Variants in ADAMTS17 observed in about 807,000 individuals in gnomAD.
ADAMTS17 encodes ADAM metallopeptidase with thrombospondin type 1 motif 17, also known as A disintegrin and metalloproteinase with thrombospondin motifs 17.
Under a neutral mutation model 141.5 loss-of-function variants are expected in ADAMTS17, and 113 were observed. That is an observed-to-expected ratio of 0.80 (90% CI 0.69 to 0.93). The LOEUF (loss-of-function observed/expected upper bound fraction) is 0.93. Ranked by LOEUF, ADAMTS17 falls within the 40% of genes least tolerant of loss-of-function variation. ADAMTS17 has a pLI of 0.00. For missense variants in ADAMTS17, 1,659 were observed against 1,517.9 expected (o/e 1.09, Z -1.54); for synonymous variants, 768 against 630.6 (o/e 1.22, Z -3.27).
chr15:100,022,042 T>C (rs2061415614), intron 18 of ADAMTS17, among the ~76,000 whole-genome samples: 1 of 152,120 alleles, frequency 6.6e-6, no homozygotes, highest in African/African-American at 2.4e-5. Context: ...GTCAAGAGGC[T>C]CAGATCTAGT....
At position 100,076,046 on chromosome 15, in the gene ADAMTS17, T is replaced by A. The variant is rs922374471; in HGVS notation, c.2137+20310A>T. Among the ~76,000 whole-genome samples, 42 of 142,268 alleles carry A rather than the reference T, an allele frequency of 3.0e-4. 1 individual carries two copies. The highest frequency in any genetic ancestry group is 1.3e-3 in the African/African-American group (42 of 32,558). 93.3% of individuals were successfully genotyped at this position (142,268 alleles called of 152,430 possible). A position where few individuals can be genotyped will look rare whatever the true frequency, so the allele number is the denominator to read the frequency against. On this transcript the variant is annotated intron_variant, in intron 15 of 21. Transcript: ENST00000268070. ...TAGCTATGAATTCTTATTTTCTTTC[T>A]TTTTTTTTGTTTTCGAGATGGAGTT...
At chr15:100,340,962 CA>C in intron 2 of ADAMTS17, 76 bp downstream of exon 2, 1 of 1,495,642 alleles carries the variant, frequency 6.7e-7, no homozygotes, top group Non-Finnish European at 8.9e-7. Flanking sequence ...AGAGGCGCCC[CA>C]CCCCCACCCT....
At chr15:100,142,978 T>C (rs545537506) in intron 10 of ADAMTS17, among the ~76,000 whole-genome samples, 49 of 151,836 alleles carry the variant, frequency 3.2e-4, no homozygotes, top group Non-Finnish European at 1.3e-4. Flanking sequence ...ACAAGAAGAG[T>C]GTACATCCCT....
chr15:100,144,300 C>T (rs1048311450), intron 10 of ADAMTS17, among the ~76,000 whole-genome samples: 3 of 152,212 alleles, frequency 2.0e-5, no homozygotes, highest in Admixed American at 6.5e-5. Flanking sequence ...ACCTGTAGTC[C>T]CAGCACTTTG....
chr15:100,152,816 GTTTTCT>G, intron 9 of ADAMTS17, 54 bp from the exon 10 acceptor site: 1 of 1,566,268 alleles, frequency 6.4e-7, no homozygotes, highest in Non-Finnish European at 8.6e-7. Context: ...AGGTTTTTTT[GTTTTCT>G]TTTTCTTTTT....
At chr15:100,257,318 C>G (rs1371281401) in intron 6 of ADAMTS17, among the ~76,000 whole-genome samples, 1 of 152,242 alleles carries the variant, frequency 6.6e-6, no homozygotes, top group Non-Finnish European at 1.5e-5. Flanking sequence ...AGTTATTATA[C>G]AAGGCTTCCT....
intron 8 of ADAMTS17, among the ~76,000 whole-genome samples, chr15:100,181,656 C>T (rs552730471): frequency 1.3e-5 from 2 of 152,186 alleles, no homozygotes; most frequent in African/African-American, 2.4e-5. Context: ...CTGGCTGGTG[C>T]CCTATCTTCC....
At chr15:100,290,604 C>T (rs1345494388) in intron 3 of ADAMTS17, among the ~76,000 whole-genome samples, 1 of 151,942 alleles carries the variant, frequency 6.6e-6, no homozygotes, top group East Asian at 1.9e-4. Flanking sequence ...CCGGACTTTA[C>T]ATACTACAAG....
At chr15:100,340,199 G>C (rs74038414) in intron 2 of ADAMTS17, among the ~76,000 whole-genome samples, 5,337 of 152,292 alleles carry the variant, frequency 0.035, 337 homozygotes, top group African/African-American at 0.12. Flanking sequence ...CTGAGTGCTC[G>C]TCTGGGCGCC....
At chr15:100,171,505 C>A (rs1263531103) in intron 8 of ADAMTS17, among the ~76,000 whole-genome samples, 2 of 152,306 alleles carry the variant, frequency 1.3e-5, no homozygotes, top group Non-Finnish European at 2.9e-5. Context: ...CACGCTCCCA[C>A]AACATCCCTG....
chr15:100,001,143 G>C (rs1380883219), intron 18 of ADAMTS17, among the ~76,000 whole-genome samples: 2 of 152,072 alleles, frequency 1.3e-5, no homozygotes, highest in Admixed American at 6.6e-5. Context: ...TAGACTTCTG[G>C]GCCTTCAGAG....
At chr15:100,036,362 A>T (rs1189931226) in intron 18 of ADAMTS17, among the ~76,000 whole-genome samples, 1 of 152,224 alleles carries the variant, frequency 6.6e-6, no homozygotes, top group Non-Finnish European at 1.5e-5. Flanking sequence ...TGAGAGAAGC[A>T]GCCCAGCATG....
intron 18 of ADAMTS17, among the ~76,000 whole-genome samples, chr15:100,045,155 A>G (rs2031586849): frequency 6.7e-6 from 1 of 148,874 alleles, no homozygotes; most frequent in South Asian, 2.1e-4. Flanking sequence ...CCTCAAATTT[A>G]ATTTTAGTAA....
chr15:100,001,083 T>C (rs1387827952), intron 18 of ADAMTS17, among the ~76,000 whole-genome samples: 2 of 152,110 alleles, frequency 1.3e-5, no homozygotes, highest in African/African-American at 4.8e-5. Flanking sequence ...GATGGAGATA[T>C]GGAAAATATT....
chr15:99,976,152 T>C lies in ADAMTS17; in HGVS notation c.3020A>G (p.His1007Arg). 1 of 1,550,764 alleles carries C rather than the reference T, an allele frequency of 6.4e-7. No individual in the cohort carries two copies. Among genetic ancestry groups the C allele is most frequent in the Non-Finnish European group, 8.7e-7 (1 of 1,146,974 alleles). Residue 1007 changes from histidine (H) to arginine (R), a missense_variant, in exon 21 of 22, where the codon CAC becomes CGC. Transcript: ENST00000268070. ...CGAGAGGGCGGGGCACTCGCTGCCG[T>C]GGCGCCCTGTGACCTTGTGCATGCA... Reference protein sequence around the residue: ...VQCMHKVTGRHGSECPALSKP... With the variant: ...VQCMHKVTGRRGSECPALSKP...
At chr15:100,332,395 G>C (rs8025298) in intron 2 of ADAMTS17, among the ~76,000 whole-genome samples, 3,020 of 152,320 alleles carry the variant, frequency 0.02, 114 homozygotes, top group African/African-American at 0.069. Context: ...AGAAAGAGTG[G>C]GCAGGGTACG....
At chr15:100,317,122 C>T (rs546417734) in intron 3 of ADAMTS17, among the ~76,000 whole-genome samples, 12 of 152,146 alleles carry the variant, frequency 7.9e-5, no homozygotes, top group East Asian at 1.9e-4. Flanking sequence ...TCCACTCACC[C>T]GACACCTCAA....
chr15:100,220,236 C>T (rs1241057458), intron 7 of ADAMTS17, among the ~76,000 whole-genome samples: 4 of 152,166 alleles, frequency 2.6e-5, no homozygotes, highest in Admixed American at 6.5e-5. Context: ...GACTAACCCT[C>T]GAAAAGTGGG....
At chr15:100,203,965 G>C (rs1776657479) in intron 7 of ADAMTS17, among the ~76,000 whole-genome samples, 1 of 151,634 alleles carries the variant, frequency 6.6e-6, no homozygotes, top group Admixed American at 6.6e-5. Flanking sequence ...AATTTATCGA[G>C]AGAAGAGGCT....
Sources: allele counts gnomAD v4.1 joint callset (sites outside exome capture counted in the v4.1 genomes callset), GRCh38; gene constraint gnomAD v4.1.1; transcripts MANE v1.5; gene names NCBI Gene and HGNC (gene_info 2026-07-23, HGNC 2026-07-21).